LAMA3: variants seen among roughly 807,000 people sequenced by gnomAD.
LAMA3 encodes laminin subunit alpha-3.
Under a neutral mutation model 402.0 loss-of-function variants are expected in LAMA3, and 281 were observed. That is an observed-to-expected ratio of 0.70 (90% CI 0.63 to 0.77). The LOEUF (loss-of-function observed/expected upper bound fraction) is 0.77, where lower values mean the gene tolerates loss of function less well. LAMA3 is among the 30% of genes least tolerant of loss of function. LAMA3 has a pLI of 0.00. For synonymous variants in LAMA3, 1,431 were observed against 1,558.4 expected, an observed-to-expected ratio of 0.92 and a Z score of 1.93; for missense variants, 3,840 against 4,215.5, an observed-to-expected ratio of 0.91 and a Z score of 2.47.
chr18:23,934,091 A>G (rs1187618278), intron 67 of LAMA3, among the ~76,000 whole-genome samples, 156 bp downstream of exon 67: 1 of 152,172 alleles, frequency 6.6e-6, no homozygotes, highest in Non-Finnish European at 1.5e-5. Context: ...AAATGTCAAA[A>G]TGGTTTTCTT....
chr18:23,728,797 G>A (rs1013580347), intron 2 of LAMA3, among the ~76,000 whole-genome samples: 24 of 152,152 alleles, frequency 1.6e-4, no homozygotes, highest in African/African-American at 5.8e-4. Flanking sequence ...TTGGGAGGCC[G>A]AGGCAGGCGG....
chr18:23,779,767 G>A (rs944934494), intron 11 of LAMA3, among the ~76,000 whole-genome samples: 1 of 152,140 alleles, frequency 6.6e-6, no homozygotes, highest in African/African-American at 2.4e-5. Flanking sequence ...TGGGAGGATG[G>A]GCTTGGGAAA....
At chr18:23,876,493 A>C in intron 39 of LAMA3, 86 bp downstream of exon 39, 1 of 864,058 alleles carries the variant, frequency 1.2e-6, no homozygotes, top group Non-Finnish European at 2.0e-6. Flanking sequence ...CATCAACATT[A>C]CATCTCCCGC....
chr18:23,722,464 T>C (rs2061231902), intron 2 of LAMA3, among the ~76,000 whole-genome samples: 1 of 152,242 alleles, frequency 6.6e-6, no homozygotes, highest in Non-Finnish European at 1.5e-5. Flanking sequence ...TGGAATTAAA[T>C]GGAAATGTGA....
chr18:23,782,295 C>T (rs1044870812), intron 11 of LAMA3, among the ~76,000 whole-genome samples: 4 of 152,134 alleles, frequency 2.6e-5, no homozygotes, highest in African/African-American at 7.2e-5. Flanking sequence ...TGGTGGCTCA[C>T]GCTGTAATCC....
At chr18:23,845,242 G>T (rs2063788848) in intron 30 of LAMA3, 118 bp downstream of exon 30, 1 of 707,942 alleles carries the variant, frequency 1.4e-6, no homozygotes, top group Non-Finnish European at 2.6e-6. Flanking sequence ...CACTGCCCAA[G>T]AGAGTGTCAG....
At chr18:23,701,835 A>G (rs1365158191) in intron 1 of LAMA3, among the ~76,000 whole-genome samples, 11 of 152,200 alleles carry the variant, frequency 7.2e-5, no homozygotes, top group Non-Finnish European at 1.6e-4. Context: ...TGTTCCTGGG[A>G]GAGCGAACAG....
At chr18:23,915,542 C>T in intron 59 of LAMA3, 120 bp downstream of exon 59, 1 of 922,846 alleles carries the variant, frequency 1.1e-6, no homozygotes, top group Non-Finnish European at 1.8e-6. Flanking sequence ...TGCTTTGGGC[C>T]AGTAGTTCTT....
chr18:23,787,110 C>T lies in LAMA3; in HGVS notation c.1603+2953C>T, dbSNP rs369557551. Among the ~76,000 whole-genome samples, 144 of 152,194 alleles carry T rather than the reference C, an allele frequency of 9.5e-4. 3 individuals are homozygous for T. The South Asian group carries it at 0.026, about 27-fold the overall frequency. On this transcript the variant is annotated intron_variant, in intron 12 of 74. Transcript: ENST00000313654. ...CAGCCTGGCCAACATGGTGAAACCC[C>T]GTCTCTACTAAAAATACAAAAATTA... is the stretch of plus-strand genomic sequence containing the variant.
intron 32 of LAMA3, among the ~76,000 whole-genome samples, chr18:23,849,381 G>T (rs1464457991): frequency 6.6e-6 from 1 of 152,208 alleles, no homozygotes; most frequent in Non-Finnish European, 1.5e-5. Flanking sequence ...TCAAGAACCA[G>T]AGGGGATACC....
At chr18:23,945,503 T>C (rs1427664700) in intron 69 of LAMA3, among the ~76,000 whole-genome samples, 1 of 152,214 alleles carries the variant, frequency 6.6e-6, no homozygotes, top group Non-Finnish European at 1.5e-5. Flanking sequence ...TGAGGATTTC[T>C]GTCGTGAACA....
chr18:23,847,350 A>G (rs1176272920), intron 31 of LAMA3, 114 bp from the exon 32 acceptor site: 19 of 1,130,878 alleles, frequency 1.7e-5, no homozygotes, highest in Middle Eastern at 1.9e-4. Context: ...TTCAGATCCA[A>G]ATATTTCTCT....
chr18:23,744,455 A>G (rs2061613387), intron 2 of LAMA3, among the ~76,000 whole-genome samples: 1 of 152,192 alleles, frequency 6.6e-6, no homozygotes, highest in South Asian at 2.1e-4. Context: ...TTATTAAGTT[A>G]GGCCTGGGTG....
At chr18:23,813,265 A>ATT (rs11420756) in intron 14 of LAMA3, among the ~76,000 whole-genome samples, 162 bp downstream of exon 14, 20 of 150,898 alleles carry the variant, frequency 1.3e-4, no homozygotes, top group South Asian at 4.2e-4. Context: ...TGATTTTGTG[A>ATT]TTTTTTTTTT....
intron 2 of LAMA3, among the ~76,000 whole-genome samples, chr18:23,715,932 A>G (rs2061090480): frequency 6.6e-6 from 1 of 152,236 alleles, no homozygotes; most frequent in Admixed American, 6.5e-5. Flanking sequence ...GTTTTGTGAC[A>G]GAAGGGCTTT....
At chr18:23,802,415 G>A (rs2062881700) in intron 12 of LAMA3, among the ~76,000 whole-genome samples, 2 of 152,252 alleles carry the variant, frequency 1.3e-5, no homozygotes, top group South Asian at 2.1e-4. Flanking sequence ...CCTGAATTGG[G>A]TTGTAGTTTT....
intron 1 of LAMA3, among the ~76,000 whole-genome samples, chr18:23,693,082 G>A (rs2060622025): frequency 6.6e-6 from 1 of 152,120 alleles, no homozygotes; most frequent in Admixed American, 6.6e-5. Flanking sequence ...GGTGGCTCAC[G>A]CCTGTAATCC....
In LAMA3 at chr18:23,714,001, T is replaced by C; in HGVS notation, c.376T>C (p.Trp126Arg). 6.2e-7 allele frequency: 1 copy of C among 1,614,040 alleles called. No individual in the cohort carries two copies. Among genetic ancestry groups the C allele is most frequent in the Non-Finnish European group, 8.5e-7 (1 of 1,179,930 alleles). Residue 126 changes from tryptophan (W) to arginine (R), a missense_variant, in exon 2 of 75, where the codon TGG (tryptophan) becomes CGG (arginine). Trp to Arg is a moderately radical substitution (Grantham distance 101, BLOSUM62 -3). Around this residue, in one of 3 missense-constraint regions of LAMA3, gnomAD observed 2,109 missense variants for 2,376.0 expected, o/e 0.89. Transcript: ENST00000313654. The part of the protein sequence containing the change: ...VTNAIDGSER[W>R]WQSPPLSSGT... ...CAATGCCATCGATGGATCTGAACGTTGGTGGCAAAGCCCTCCCCTGTCCTC... is the reference window on the plus strand; with the variant it reads ...CAATGCCATCGATGGATCTGAACGTCGGTGGCAAAGCCCTCCCCTGTCCTC...
chr18:23,920,464 C>T (rs552177516), intron 60 of LAMA3, among the ~76,000 whole-genome samples: 4 of 151,970 alleles, frequency 2.6e-5, no homozygotes, highest in African/African-American at 4.8e-5. Flanking sequence ...GTAGGATCCC[C>T]GAGGAACCCC....
Sources: gnomAD v4.1 joint callset for allele counts (sites outside exome capture counted in the v4.1 genomes callset) on GRCh38, gnomAD v4.1.1 for gene constraint, gnomAD v4.1.1 regional missense constraint, MANE v1.5 for transcripts, NCBI Gene and HGNC (gene_info 2026-07-23, HGNC 2026-07-21) for gene names.